LPP: variants seen among roughly 807,000 people sequenced by gnomAD.
LPP encodes the protein lipoma-preferred partner.
A neutral mutation model predicts 60.4 loss-of-function variants in LPP; 38 were observed. That is an observed-to-expected ratio of 0.63 (90% CI 0.49 to 0.83). The LOEUF (loss-of-function observed/expected upper bound fraction) is 0.83. Ranked by LOEUF, LPP falls within the 40% of genes least tolerant of loss-of-function variation. LPP has a pLI of 0.00. For missense variants in LPP, 902 were observed against 783.6 expected, an observed-to-expected ratio of 1.15 and a Z score of -1.80; for synonymous variants, 328 against 290.8, an observed-to-expected ratio of 1.13 and a Z score of -1.30.
chr3:188,395,343 C>A lies in LPP; in HGVS notation c.-9-10769C>A, dbSNP rs869631. Among the ~76,000 whole-genome samples, 793 of 152,036 alleles carry A rather than the reference C, an allele frequency of 5.2e-3. 5 individuals are homozygous for A. Among genetic ancestry groups the A allele is most frequent in the African/African-American group, 0.018 (734 of 41,408 alleles). On this transcript the variant is annotated intron_variant, in intron 3 of 11. Coordinates refer to ENST00000617246, the MANE Select transcript of LPP (RefSeq NM_001375462.1). ...AAGTGATCCTTCCACCTCAGCCTCC[C>A]GAGTAGCTGGGATTAGAGAGGCGAG...
chr3:188,223,551 A>G (rs1441401801), intron 1 of LPP, among the ~76,000 whole-genome samples: 1 of 152,200 alleles, frequency 6.6e-6, no homozygotes, highest in Admixed American at 6.5e-5. Flanking sequence ...AAATTATTAA[A>G]AGAGAAGTTG....
chr3:188,843,774 A>G (rs957339045), intron 9 of LPP, among the ~76,000 whole-genome samples: 27 of 146,648 alleles, frequency 1.8e-4, no homozygotes, highest in East Asian at 3.9e-4. Flanking sequence ...GCGACAGAGC[A>G]AGACTCCGTC....
At chr3:188,704,107 G>A (rs187427801) in intron 7 of LPP, among the ~76,000 whole-genome samples, 3 of 152,144 alleles carry the variant, frequency 2.0e-5, no homozygotes, top group Non-Finnish European at 1.5e-5. Flanking sequence ...GGGAAGCATC[G>A]TTTGCTTGGG....
At chr3:188,669,897 T>C (rs1314035650) in intron 7 of LPP, among the ~76,000 whole-genome samples, 1 of 152,122 alleles carries the variant, frequency 6.6e-6, no homozygotes, top group Non-Finnish European at 1.5e-5. Flanking sequence ...ATGTGGCAAA[T>C]ATACACCGTG....
chr3:188,719,209 C>T lies in LPP; in HGVS notation c.1240+10816C>T, dbSNP rs183361779. ...TCACATTTCCTCCACCTGTAGGTTT[C>T]ATCTATAGTCTTTGGTTCCCAGGAC... On this transcript the variant is annotated intron_variant, in intron 8 of 11. Coordinates refer to ENST00000617246, the MANE Select transcript of LPP (RefSeq NM_001375462.1). 2.4e-3 allele frequency among the ~76,000 whole-genome samples: 367 copies of T among 152,324 alleles called. 1 individual carries two copies. Among genetic ancestry groups the T allele is most frequent in the Non-Finnish European group, 3.9e-3 (265 of 68,022 alleles).
At chr3:188,847,747 G>C (rs1577951425) in intron 9 of LPP, among the ~76,000 whole-genome samples, 1 of 152,192 alleles carries the variant, frequency 6.6e-6, no homozygotes, top group Non-Finnish European at 1.5e-5. Flanking sequence ...GAAATGCCTA[G>C]AGTGGGCTTA....
intron 6 of LPP, among the ~76,000 whole-genome samples, chr3:188,532,133 A>G (rs2150287528): frequency 6.6e-6 from 1 of 152,314 alleles, no homozygotes; most frequent in South Asian, 2.1e-4. Flanking sequence ...CTGTCCAGGC[A>G]TGGTATCTCA....
chr3:188,866,460 TTC>T (rs538413057), intron 10 of LPP, 82 bp downstream of exon 10: 392 of 1,148,324 alleles, frequency 3.4e-4, no homozygotes, highest in Admixed American at 8.0e-4. Context: ...GCATACATTC[TTC>T]TCTCTCAGAA....
intron 4 of LPP, among the ~76,000 whole-genome samples, chr3:188,413,538 G>A (rs949258426): frequency 6.6e-6 from 1 of 152,138 alleles, no homozygotes; most frequent in African/African-American, 2.4e-5. Flanking sequence ...ATGAGCGTAA[G>A]CATCTCGAGC....
intron 3 of LPP, among the ~76,000 whole-genome samples, chr3:188,376,468 T>C (rs566607770): frequency 7.9e-5 from 12 of 152,350 alleles, no homozygotes; most frequent in African/African-American, 2.6e-4. Context: ...AATGGCCTTC[T>C]TTGTCTCTTT....
intron 5 of LPP, among the ~76,000 whole-genome samples, chr3:188,489,844 A>G (rs1235753878): frequency 1.3e-5 from 2 of 152,104 alleles, no homozygotes; most frequent in Non-Finnish European, 2.9e-5. Context: ...CTTCCAGTTG[A>G]CAACTTCTAA....
intron 6 of LPP, chr3:188,568,465 A>G (rs1378756080): frequency 6.6e-6 from 1 of 151,962 alleles, no homozygotes; most frequent in Non-Finnish European, 1.5e-5. Context: ...GAGACTTCCT[A>G]TGTGCTAGGG....
chr3:188,608,002 G>T (rs1009798426), intron 6 of LPP, among the ~76,000 whole-genome samples: 2 of 152,082 alleles, frequency 1.3e-5, no homozygotes, highest in African/African-American at 2.4e-5. Flanking sequence ...TGAGGTTAAT[G>T]GGGGGAGAGT....
chr3:188,502,629 C>A (rs1812242605), intron 5 of LPP, among the ~76,000 whole-genome samples: 1 of 152,132 alleles, frequency 6.6e-6, no homozygotes, highest in African/African-American at 2.4e-5. Context: ...TAGAGAATTA[C>A]TTCTTATTTT....
intron 8 of LPP, among the ~76,000 whole-genome samples, chr3:188,716,091 C>T (rs1713878157): frequency 6.6e-6 from 1 of 152,194 alleles, no homozygotes; most frequent in Non-Finnish European, 1.5e-5. Context: ...ATTATCTTCT[C>T]AGAACTTAGC....
At position 188,319,001 on chromosome 3, in the gene LPP, G is replaced by T. The variant is rs192053227; in HGVS notation, c.-66-22662G>T. On this transcript the variant is annotated intron_variant, in intron 2 of 11. Transcript: ENST00000617246. ...TCTCGATCTCCTGACCTCGTGATCC[G>T]CCCGCCTCGGCCTCCCAAAGTGCTG... 9.2e-3 allele frequency among the ~76,000 whole-genome samples: 1,397 copies of T among 151,850 alleles called. 14 individuals are homozygous for T. The highest frequency in any genetic ancestry group is 0.015 in the Non-Finnish European group (985 of 67,918).
At chr3:188,324,762 T>C (rs1307018003) in intron 2 of LPP, among the ~76,000 whole-genome samples, 2 of 152,182 alleles carry the variant, frequency 1.3e-5, no homozygotes, top group African/African-American at 4.8e-5. Flanking sequence ...TCAGATCATA[T>C]CACACCCCTC....
intron 3 of LPP, among the ~76,000 whole-genome samples, chr3:188,376,460 T>C (rs944918595): frequency 3.3e-5 from 5 of 152,226 alleles, no homozygotes; most frequent in African/African-American, 1.2e-4. Context: ...AATTATGTAA[T>C]GGCCTTCTTT....
intron 2 of LPP, among the ~76,000 whole-genome samples, chr3:188,291,645 CAAAAAAAAAAA>C (rs34001206): frequency 2.1e-5 from 2 of 96,740 alleles, no homozygotes; most frequent in South Asian, 3.8e-4. Flanking sequence ...GACTCTGTCT[CAAAAAAAAAAA>C]AAAAAAAAGA....
Sources: gnomAD v4.1 joint callset for allele counts (sites outside exome capture counted in the v4.1 genomes callset) on GRCh38, gnomAD v4.1.1 for gene constraint, MANE v1.5 for transcripts, NCBI Gene and HGNC (gene_info 2026-07-23, HGNC 2026-07-21) for gene names.